CATIP: variants seen among roughly 807,000 people sequenced by gnomAD.
CATIP encodes the protein ciliogenesis-associated TTC17-interacting protein.
A neutral mutation model predicts 42.5 loss-of-function variants in CATIP; 40 were observed. The observed-to-expected ratio is 0.94, with a 90% CI of 0.73 to 1.22. CATIP has a LOEUF of 1.22. Ranked by LOEUF, CATIP falls within the 50% of genes most tolerant of loss-of-function variation. The pLI is 0.00. For synonymous variants in CATIP, 222 were observed against 200.2 expected (o/e 1.11, Z -0.92); for missense variants, 489 against 496.0 (o/e 0.99, Z 0.13).
At chr2:218,364,554 CTAAGG>C in intron 6 of CATIP, 69 bp from the exon 7 acceptor site, 2 of 1,572,688 alleles carry the variant, frequency 1.3e-6, no homozygotes, top group Admixed American at 3.7e-5. Context: ...GGAGAAAAGG[CTAAGG>C]TAAGATGATG....
At chr2:218,360,325 T>A (rs995701528) in intron 4 of CATIP, among the ~76,000 whole-genome samples, 1 of 152,066 alleles carries the variant, frequency 6.6e-6, no homozygotes, top group Non-Finnish European at 1.5e-5. Flanking sequence ...CTAATTTTTG[T>A]ATTTTTAGTA....
intron 5 of CATIP, 71 bp downstream of exon 5, chr2:218,360,730 C>T: frequency 8.4e-7 from 1 of 1,185,762 alleles, no homozygotes; most frequent in Admixed American, 1.9e-5. Context: ...AGGTCCAGAT[C>T]AATTTAGAGA....
In CATIP at chr2:218,367,979, C is replaced by G. The variant is rs560070041; in HGVS notation, c.*15C>G. Reference sequence around the variant, plus strand: ...GGGCGGCCTAAGCGGGGCCCAGGCCCGGACAGGGCAGGAAACCAGGGGTCG... The same window carrying G: ...GGGCGGCCTAAGCGGGGCCCAGGCCGGGACAGGGCAGGAAACCAGGGGTCG... On this transcript the variant is annotated 3_prime_UTR_variant, in exon 10 of 10. Transcript: ENST00000289388. The G allele has an allele frequency of 1.4e-4, 210 of 1,546,762 alleles. No homozygotes were observed. The Middle Eastern group carries it at 2.5e-3, about 18-fold the overall frequency.
chr2:218,356,973 G>T, intron 1 of CATIP, 64 bp downstream of exon 1: 2 of 1,604,068 alleles, frequency 1.2e-6, no homozygotes, highest in East Asian at 2.2e-5. Context: ...TCCACCCTCG[G>T]GGTAGTCTTA....
chr2:218,367,668 T>A, intron 9 of CATIP, 54 bp from the exon 10 acceptor site: 4 of 1,577,158 alleles, frequency 2.5e-6, no homozygotes, highest in Non-Finnish European at 3.4e-6. Context: ...GGCTGGGGGC[T>A]CCTGGGGCGC....
Position 218,367,718 on chromosome 2 carries a change from C to A in CATIP, c.922-4C>A, listed in dbSNP as rs1173704768. On this transcript the variant is annotated splice_region_variant and splice_polypyrimidine_tract_variant and intron_variant, in intron 9 of 9. Transcript: ENST00000289388. Reference sequence around the variant, plus strand: ...GCTGAGGCTCGGGCTCTGTCCCCTGCCAGGAGGAGCTCCGGCTCGGCCACG... The same window carrying A: ...GCTGAGGCTCGGGCTCTGTCCCCTGACAGGAGGAGCTCCGGCTCGGCCACG... 4.4e-6 allele frequency: 7 copies of A among 1,591,638 alleles called. No individual in the cohort carries two copies. The Admixed American group carries it at 1.2e-4, about 28-fold the overall frequency.
rs377346513 is a variant in CATIP at position 218,367,775 on chromosome 2, C to T, written c.975C>T (p.His325=). Reference sequence around the variant, plus strand: ...ATCTGCGGCAGCACCCCGAAGCCCACGCGCTCATCTCCGACTTCCTGCTCT... The same window carrying T: ...ATCTGCGGCAGCACCCCGAAGCCCATGCGCTCATCTCCGACTTCCTGCTCT... ...ASYLRQHPEA[H]ALISDFLLFL... is the part of the protein sequence containing the mutation. The change falls in exon 10 of 10, where the codon CAC becomes CAT. Residue 325 remains histidine (H), a synonymous_variant. Coordinates refer to ENST00000289388, the MANE Select transcript of CATIP (RefSeq NM_198559.2). 41 of 1,611,572 alleles carry T rather than the reference C, an allele frequency of 2.5e-5. No homozygotes were observed. The highest frequency in any genetic ancestry group is 3.1e-5 in the Non-Finnish European group (37 of 1,179,814).
rs117624615 is a variant in CATIP at position 218,364,566 on chromosome 2, G to T, written c.631-62G>T. On this transcript the variant is annotated intron_variant, in intron 6 of 9. Coordinates refer to ENST00000289388, the MANE Select transcript of CATIP (RefSeq NM_198559.2). ...GATGGAGAAAAGGCTAAGGTAAGAT[G>T]ATGGGGAGCCCTTGGCGGGCATCCA... is the stretch of plus-strand genomic sequence containing the variant. The T allele has an allele frequency of 2.0e-3, 3,123 of 1,595,074 alleles. 115 individuals are homozygous for T. In the East Asian group the frequency reaches 0.059, roughly 30 times the overall value.
rs1170953542 is a variant in CATIP, at chr2:218,367,760, G to A, written c.960G>A (p.Gln320=). Residue 320 remains glutamine (Q), a synonymous_variant, in exon 10 of 10, where the codon CAG becomes CAA. Coordinates refer to ENST00000289388, the MANE Select transcript of CATIP (RefSeq NM_198559.2). ...TCGGCCACGCCAGCTATCTGCGGCA[G>A]CACCCCGAAGCCCACGCGCTCATCT... ...LRLGHASYLR[Q]HPEAHALISD... The A allele has an allele frequency of 6.2e-7, 1 of 1,609,560 alleles. No individual in the cohort carries two copies. The highest frequency in any genetic ancestry group is 8.5e-7 in the Non-Finnish European group (1 of 1,179,406).
chr2:218,361,226 T>C (rs1695222957), intron 5 of CATIP, among the ~76,000 whole-genome samples: 1 of 151,890 alleles, frequency 6.6e-6, no homozygotes, highest in African/African-American at 2.4e-5. Flanking sequence ...TACAAAAAAT[T>C]AGCCAGGCGT....
At chr2:218,361,388 A>G (rs1196804255) in intron 5 of CATIP, among the ~76,000 whole-genome samples, 1 of 151,636 alleles carries the variant, frequency 6.6e-6, no homozygotes, top group Non-Finnish European at 1.5e-5. Context: ...AAAAAAAAAG[A>G]TGTACATTGG....
At position 218,367,425 on chromosome 2, in the gene CATIP, C is replaced by A. The variant is rs368112885; in HGVS notation, c.833-5C>A. 22 of 1,613,844 alleles carry A rather than the reference C, an allele frequency of 1.4e-5. No homozygotes were observed. The African/African-American group carries it at 2.5e-4, about 19-fold the overall frequency. ...GACGCCCAGCCTTCCTTGTTCCCCA[C>A]CTAGATGAGATTGAGCCACGCCCAG... On this transcript the variant is annotated splice_polypyrimidine_tract_variant and splice_region_variant and intron_variant, in intron 8 of 9. Coordinates refer to ENST00000289388, the MANE Select transcript of CATIP (RefSeq NM_198559.2).
Position 218,367,926 on chromosome 2 carries a change from C to T in CATIP, c.1126C>T (p.Leu376=). ...SSHRPNPFRS[L]EPEGDARSGA... ...CCACCGGCCCAACCCTTTCCGCTCC[C>T]TGGAGCCGGAGGGAGACGCCCGCTC... The change falls in exon 10 of 10, where the codon CTG becomes TTG. Residue 376 remains leucine, a synonymous_variant. Transcript: ENST00000289388. 1.2e-6 allele frequency: 2 copies of T among 1,608,078 alleles called. No individual in the cohort carries two copies. Among genetic ancestry groups the T allele is most frequent in the Non-Finnish European group, 1.7e-6 (2 of 1,178,658 alleles).
At position 218,362,817 on chromosome 2, in the gene CATIP, G is replaced by A. The variant is rs1470951739; in HGVS notation, c.545G>A (p.Arg182Lys). The A allele has an allele frequency of 1.9e-6, 3 of 1,614,038 alleles. No homozygotes were observed. Among genetic ancestry groups the A allele is most frequent in the African/African-American group, 1.3e-5 (1 of 74,928 alleles). Residue 182 changes from arginine to lysine, a missense_variant, in exon 6 of 10, where the codon AGG becomes AAG. By Grantham distance (26) the Arg-to-Lys change is conservative (BLOSUM62 2). Coordinates refer to ENST00000289388, the MANE Select transcript of CATIP (RefSeq NM_198559.2). ...GAGGCTGCCAACCTGGTGCTGCTCA[G>A]GGTGATGGCCTGGCGGCGGATGGTG... The part of the protein sequence containing the change: ...ISEAANLVLL[R>K]VMAWRRMVPS...
Position 218,368,057 on chromosome 2 carries a change from T to G in CATIP, c.*93T>G, listed in dbSNP as rs564104543. On this transcript the variant is annotated 3_prime_UTR_variant, in exon 10 of 10. Coordinates refer to ENST00000289388, the MANE Select transcript of CATIP (RefSeq NM_198559.2). ...GGCGGGTGCGCTTTCCGGGCTGCGG[T>G]TTTGGGGGAATAAATGGGGCCCTCC... The G allele has an allele frequency of 4.7e-5, 66 of 1,394,210 alleles. No homozygotes were observed. The Middle Eastern group carries it at 1.6e-3, about 33-fold the overall frequency. 86.4% of individuals were successfully genotyped at this position (1,394,210 alleles called of 1,614,324 possible). A position where few individuals can be genotyped will look rare whatever the true frequency, so the allele number is the denominator to read the frequency against.
At chr2:218,363,510 A>AC (rs1434251448) in intron 6 of CATIP, among the ~76,000 whole-genome samples, 10 of 150,158 alleles carry the variant, frequency 6.7e-5, no homozygotes, top group Middle Eastern at 3.5e-3. Flanking sequence ...AAAAAAAAAA[A>AC]ACGTCATTTT....
intron 8 of CATIP, 30 bp from the exon 9 acceptor site, chr2:218,367,400 G>A: frequency 6.2e-7 from 1 of 1,600,946 alleles, no homozygotes; most frequent in Non-Finnish European, 8.6e-7. Context: ...CCGGGGTAGG[G>A]ACGCCCAGCC....
intron 6 of CATIP, 79 bp downstream of exon 6, chr2:218,362,981 G>A (rs1695288626): frequency 1.4e-6 from 2 of 1,404,772 alleles, no homozygotes; most frequent in Non-Finnish European, 1.9e-6. Context: ...ATGGGGAACA[G>A]CTGTGGAGTA....
chr2:218,359,587 C>G (rs1309127584), intron 4 of CATIP, among the ~76,000 whole-genome samples: 1 of 152,120 alleles, frequency 6.6e-6, no homozygotes, highest in East Asian at 1.9e-4. Context: ...GCACTGGGCT[C>G]TCAGGCTGGA....
Sources: gnomAD v4.1 joint callset for allele counts (sites outside exome capture counted in the v4.1 genomes callset) on GRCh38, gnomAD v4.1.1 for gene constraint, MANE v1.5 for transcripts, NCBI Gene and HGNC (gene_info 2026-07-23, HGNC 2026-07-21) for gene names.